WNT6: variants seen among roughly 807,000 people sequenced by gnomAD.
WNT6 encodes the protein Wnt family member 6, also known as protein Wnt-6.
Under a neutral mutation model 33.1 loss-of-function variants are expected in WNT6, and 27 were observed. The ratio of observed to expected loss-of-function variants is 0.82; its 90% CI spans 0.60 to 1.12. The LOEUF (loss-of-function observed/expected upper bound fraction) is 1.12. WNT6 is among the 50% of genes most tolerant of loss of function. The pLI is 0.00. For missense variants in WNT6, 494 were observed against 535.3 expected (o/e 0.92, Z 0.76); for synonymous variants, 249 against 242.8 (o/e 1.03, Z -0.24).
Position 218,871,160 on chromosome 2 carries a change from G to T in WNT6, c.214G>T (p.Gly72Trp). The T allele has an allele frequency of 6.2e-7, 1 of 1,613,748 alleles. No individual in the cohort carries two copies. Among genetic ancestry groups the T allele is most frequent in the Non-Finnish European group, 8.5e-7 (1 of 1,179,946 alleles). ...AGAGCTAGCTCGGGGCGCCCGGCTC[G>T]GGGTGCGAGAGTGCCAGTTCCAGTT... ...VAELARGARL[G>W]VRECQFQFRF... Residue 72 changes from glycine (G) to tryptophan (W), a missense_variant, in exon 2 of 4, where the codon GGG becomes TGG. Transcript: ENST00000233948. The surrounding 1 kb of genome is among the most constrained non-coding windows in gnomAD (Gnocchi z 6.4).
At chr2:218,860,621 G>A (rs1454650255) in intron 1 of WNT6, among the ~76,000 whole-genome samples, 3 of 152,228 alleles carry the variant, frequency 2.0e-5, no homozygotes, top group Non-Finnish European at 4.4e-5. Context: ...GGGAAAGTGA[G>A]TCAGGACCCT....
chr2:218,861,975 G>A (rs182658871), intron 1 of WNT6, among the ~76,000 whole-genome samples: 2 of 152,204 alleles, frequency 1.3e-5, no homozygotes, highest in African/African-American at 4.8e-5. Context: ...CTGGAGATGG[G>A]CTTGCAGAGT....
rs780946149 is a variant in WNT6, at chr2:218,871,719, G to A, written c.536G>A (p.Gly179Glu). The A allele has an allele frequency of 6.3e-7, 1 of 1,593,640 alleles. No individual in the cohort carries two copies. Among genetic ancestry groups the A allele is most frequent in the Non-Finnish European group, 8.5e-7 (1 of 1,171,356 alleles). Residue 179 changes from glycine (G) to glutamate (E), a missense_variant, in exon 3 of 4, where the codon GGG becomes GAG. Gly to Glu is a moderately conservative substitution (Grantham distance 98). Transcript: ENST00000233948. The surrounding 1 kb of genome is among the most constrained non-coding windows in gnomAD (Gnocchi z 6.4). ...WGGCGDDVDF[G>E]DEKSRLFMDA... ...GGCTGCGGCGACGACGTGGACTTCG[G>A]GGACGAGAAGTCGAGGCTCTTTATG...
At chr2:218,872,223 G>A (rs1367221458) in intron 3 of WNT6, among the ~76,000 whole-genome samples, 9 of 152,136 alleles carry the variant, frequency 5.9e-5, no homozygotes, top group Admixed American at 5.9e-4. Context: ...AACAAAGGTG[G>A]GGATGAAAGA....
Position 218,871,238 on chromosome 2 carries a change from C to T in WNT6, c.292C>T (p.Leu98=). 1 of 1,610,296 alleles carries T rather than the reference C, an allele frequency of 6.2e-7. No individual in the cohort carries two copies. Among genetic ancestry groups the T allele is most frequent in the African/African-American group, 1.3e-5 (1 of 75,004 alleles). ...CCACAGCAAGGCCTTTGGACGCATC[C>T]TGCAACAGGGTCAGTGTGGGGAGGG... The part of the protein sequence containing the change: ...SSHSKAFGRI[L]QQDIRETAFV... Residue 98 remains leucine (L), a synonymous_variant, in exon 2 of 4, where the codon CTG becomes TTG. Transcript: ENST00000233948. The surrounding 1 kb of genome is among the most constrained non-coding windows in gnomAD (Gnocchi z 6.4).
rs1944406005 is a variant in WNT6 at position 218,871,909 on chromosome 2, T to G, written c.636+90T>G. 6.4e-6 allele frequency: 5 copies of G among 778,608 alleles called. No individual in the cohort carries two copies. The highest frequency in any genetic ancestry group is 5.1e-6 in the Non-Finnish European group (3 of 587,490). 48.2% of individuals were successfully genotyped at this position (778,608 alleles called of 1,614,324 possible). A position where few individuals can be genotyped will look rare whatever the true frequency, so the allele number is the denominator to read the frequency against. On this transcript the variant is annotated intron_variant, in intron 3 of 3. Coordinates refer to ENST00000233948, the MANE Select transcript of WNT6 (RefSeq NM_006522.4). The surrounding 1 kb of genome is among the most constrained non-coding windows in gnomAD (Gnocchi z 6.4). ...GAGGAAGTGTTGGCAGGAGTGAGGG[T>G]GTGTAGGTGGAGGGGGGCGTTAATG...
At position 218,864,392 on chromosome 2, in the gene WNT6, C is replaced by T. The variant is rs573367179; in HGVS notation, c.80+4275C>T. Among the ~76,000 whole-genome samples the T allele has an allele frequency of 2.7e-4, 41 of 152,060 alleles. No homozygotes were observed. In the South Asian group the frequency reaches 5.2e-3, roughly 19 times the overall value. On this transcript the variant is annotated intron_variant, in intron 1 of 3. Coordinates refer to ENST00000233948, the MANE Select transcript of WNT6 (RefSeq NM_006522.4). ...CTCCTACCTCAGCCTCCTGATTAGC[C>T]GGGATTACAGGTGCCTGGCACCATG...
chr2:218,873,030 A>G lies in WNT6; in HGVS notation c.637-354A>G, dbSNP rs1944417440. Among the ~76,000 whole-genome samples, 2 of 151,982 alleles carry G rather than the reference A, an allele frequency of 1.3e-5. No homozygotes were observed. Among genetic ancestry groups the G allele is most frequent in the South Asian group, 4.1e-4 (2 of 4,826 alleles). On this transcript the variant is annotated intron_variant, in intron 3 of 3. Transcript: ENST00000233948. This position sits in a 1 kb window ranked among gnomAD's most constrained non-coding sequence, Gnocchi z 6.1. ...AGGGGGCCAGGTAGGCAGGAGAGCT[A>G]GACTTCGACAGCTGCCACCTCTCCC...
intron 1 of WNT6, 44 bp downstream of exon 1, chr2:218,860,161 G>T: frequency 6.8e-7 from 1 of 1,475,228 alleles, no homozygotes; most frequent in Non-Finnish European, 9.0e-7. Context: ...CTGGAGGGTG[G>T]GGACCCCGGG....
chr2:218,860,127 G>A lies in WNT6; in HGVS notation c.80+10G>A. 1 of 1,517,788 alleles carries A rather than the reference G, an allele frequency of 6.6e-7. No individual in the cohort carries two copies. The highest frequency in any genetic ancestry group is 2.6e-5 in the East Asian group (1 of 37,996). 94.0% of individuals were successfully genotyped at this position (1,517,788 alleles called of 1,614,324 possible). On this transcript the variant is annotated intron_variant, in intron 1 of 3. Transcript: ENST00000233948. ...TCGGCGGACTGTGGTGGTGAGTCCG[G>A]CTGTCCTGGCGCGGCTCTGGACCCT... is the stretch of plus-strand genomic sequence containing the variant.
chr2:218,873,954 GCCAAAGC>G lies in WNT6; in HGVS notation c.*114_*120del, dbSNP rs1944431430. On this transcript the variant is annotated 3_prime_UTR_variant, in exon 4 of 4. Coordinates refer to ENST00000233948, the MANE Select transcript of WNT6 (RefSeq NM_006522.4). This position sits in a 1 kb window ranked among gnomAD's most constrained non-coding sequence, Gnocchi z 6.1. ...CGCCGCTCGAGCCCAGCCTCTCCCT[GCCAAAGC>G]CCAACTCCCAGGGCTCTGGAAATGG... is the stretch of plus-strand genomic sequence containing the variant. 1.7e-6 allele frequency: 2 copies of G among 1,165,574 alleles called. No homozygotes were observed. The highest frequency in any genetic ancestry group is 1.1e-6 in the Non-Finnish European group (1 of 873,634). The allele number at this position is 1,165,574 out of a possible 1,614,324, so 72.2% of individuals were successfully genotyped here.
chr2:218,860,602 A>G lies in WNT6; in HGVS notation c.80+485A>G, dbSNP rs181342869. 5.9e-3 allele frequency among the ~76,000 whole-genome samples: 904 copies of G among 152,104 alleles called. 7 individuals are homozygous for G. Among genetic ancestry groups the G allele is most frequent in the Middle Eastern group, 0.014 (4 of 294 alleles). ...AGTGGGCCTTAGTGACGACAGAGGGAATATAAAGGGGAAAGTGAGTCAGGA... is the reference window on the plus strand; with the variant it reads ...AGTGGGCCTTAGTGACGACAGAGGGGATATAAAGGGGAAAGTGAGTCAGGA... On this transcript the variant is annotated intron_variant, in intron 1 of 3. Transcript: ENST00000233948.
chr2:218,872,786 C>A (rs1944414621), intron 3 of WNT6, among the ~76,000 whole-genome samples: 1 of 152,114 alleles, frequency 6.6e-6, no homozygotes, highest in African/African-American at 2.4e-5. Context: ...CCCATGCCTC[C>A]GTTCTAGCGT....
rs140228651 is a variant in WNT6 at position 218,869,713 on chromosome 2, C to T, written c.81-1314C>T. On this transcript the variant is annotated intron_variant, in intron 1 of 3. Transcript: ENST00000233948. ...GAGAGCAGTTCCCCCAGGTATGAAT[C>T]CCTAAGGAATTAACCTTCAGGGGTC... is the stretch of plus-strand genomic sequence containing the variant. Among the ~76,000 whole-genome samples, 496 of 152,272 alleles carry T rather than the reference C, an allele frequency of 3.3e-3. 2 individuals are homozygous for T. Among genetic ancestry groups the T allele is most frequent in the African/African-American group, 0.011 (452 of 41,556 alleles).
At chr2:218,872,565 AG>A (rs977003816) in intron 3 of WNT6, among the ~76,000 whole-genome samples, 3 of 152,072 alleles carry the variant, frequency 2.0e-5, no homozygotes, top group African/African-American at 4.8e-5. Context: ...TGGTTCCAGG[AG>A]GGGGCAGGGC....
chr2:218,864,487 G>A (rs1232941560), intron 1 of WNT6, among the ~76,000 whole-genome samples: 1 of 152,030 alleles, frequency 6.6e-6, no homozygotes, highest in South Asian at 2.1e-4. Context: ...GGCTGATCTC[G>A]AACTCCTGAC....
In WNT6 at chr2:218,874,132, G is replaced by GA. The variant is rs564921844; in HGVS notation, c.*293dup. 29 of 415,734 alleles carry GA rather than the reference G, an allele frequency of 7.0e-5. No individual in the cohort carries two copies. The highest frequency in any genetic ancestry group is 3.1e-4 in the Admixed American group (7 of 22,666). The allele number at this position is 415,734 out of a possible 1,614,324, so 25.8% of individuals were successfully genotyped here. A position where few individuals can be genotyped will look rare whatever the true frequency, so the allele number is the denominator to read the frequency against. ...TAGGAGGAAACAGTTTTTTAGACTG[G>GA]AAAAAAGCCAGTCTAAAGGCCTCTG... On this transcript the variant is annotated 3_prime_UTR_variant, in exon 4 of 4. Transcript: ENST00000233948.
chr2:218,860,851 T>G lies in WNT6; in HGVS notation c.80+734T>G, dbSNP rs369567374. Among the ~76,000 whole-genome samples the G allele has an allele frequency of 7.0e-3, 851 of 122,312 alleles. 7 individuals are homozygous for G. Among genetic ancestry groups the G allele is most frequent in the African/African-American group, 0.026 (823 of 31,192 alleles). The allele number at this position is 122,312 out of a possible 152,430, so 80.2% of individuals were successfully genotyped here. On this transcript the variant is annotated intron_variant, in intron 1 of 3. Coordinates refer to ENST00000233948, the MANE Select transcript of WNT6 (RefSeq NM_006522.4). ...CTTGGCCCTAGCTAGAAGGGACACC[T>G]AGGCAGCGAAGGTTGCGGGAGCTTC...
At chr2:218,860,264 CCA>C (rs1944294474) in intron 1 of WNT6, 147 bp downstream of exon 1, 1 of 707,452 alleles carries the variant, frequency 1.4e-6, no homozygotes, top group African/African-American at 1.9e-5. Flanking sequence ...TTTCTGAACT[CCA>C]CTTCGACGTT....
Sources: allele counts gnomAD v4.1 joint callset (sites outside exome capture counted in the v4.1 genomes callset), GRCh38; gene constraint gnomAD v4.1.1; non-coding constraint Gnocchi (gnomAD v3.1); transcripts MANE v1.5; gene names NCBI Gene and HGNC (gene_info 2026-07-23, HGNC 2026-07-21).